CAB39L: variants seen among roughly 807,000 people sequenced by gnomAD.
CAB39L encodes the protein calcium binding protein 39 like.
Under a neutral mutation model 39.1 loss-of-function variants are expected in CAB39L, and 23 were observed. That is an observed-to-expected ratio of 0.59 (90% CI 0.42 to 0.83). CAB39L has a LOEUF of 0.83. Ranked by LOEUF, CAB39L falls within the 40% of genes least tolerant of loss-of-function variation. CAB39L has a pLI of 0.00. For synonymous variants in CAB39L, 126 were observed against 137.2 expected (o/e 0.92, Z 0.57); for missense variants, 366 against 391.9 (o/e 0.93, Z 0.56).
At chr13:49,355,350 C>T (rs1437093012) in intron 6 of CAB39L, among the ~76,000 whole-genome samples, 1 of 152,042 alleles carries the variant, frequency 6.6e-6, no homozygotes, top group East Asian at 1.9e-4. Flanking sequence ...GCACTACCTT[C>T]TAGTATGGGC....
At chr13:49,379,037 C>T (rs1187838242) in intron 4 of CAB39L, among the ~76,000 whole-genome samples, 1 of 54,904 alleles carries the variant, frequency 1.8e-5, no homozygotes, top group Non-Finnish European at 3.6e-5. Context: ...GTCAGCCCCC[C>T]GCCCGGCCAG....
intron 5 of CAB39L, among the ~76,000 whole-genome samples, chr13:49,363,729 G>A (rs184510471): frequency 6.6e-5 from 10 of 151,346 alleles, no homozygotes; most frequent in Non-Finnish European, 1.2e-4. Flanking sequence ...AGGCTGAGGT[G>A]TAAGGATCAC....
At position 49,382,731 on chromosome 13, in the gene CAB39L, G is replaced by C. The variant is rs1479419872; in HGVS notation, c.111+69C>G. 10 of 932,548 alleles carry C rather than the reference G, an allele frequency of 1.1e-5. No homozygotes were observed. The Admixed American group carries it at 1.9e-4, about 18-fold the overall frequency. The allele number at this position is 932,548 out of a possible 1,614,324, so 57.8% of individuals were successfully genotyped here. Reference sequence around the variant, plus strand: ...GACCATATTTTGAATTCTTCATTAAGCTTTTACATTGGTTTTTGGCATTGC... The same window carrying C: ...GACCATATTTTGAATTCTTCATTAACCTTTTACATTGGTTTTTGGCATTGC... On this transcript the variant is annotated intron_variant, in intron 4 of 10. Transcript: ENST00000409308.
At chr13:49,415,325 G>A (rs1957065875) in intron 3 of CAB39L, among the ~76,000 whole-genome samples, 1 of 151,932 alleles carries the variant, frequency 6.6e-6, no homozygotes, top group South Asian at 2.1e-4. Context: ...GACCAGCCTG[G>A]CCAATATGGT....
At chr13:49,411,213 A>G (rs1025584152) in intron 3 of CAB39L, among the ~76,000 whole-genome samples, 4 of 152,198 alleles carry the variant, frequency 2.6e-5, no homozygotes, top group African/African-American at 7.2e-5. Flanking sequence ...GTTTGAGACC[A>G]GCCTGGGCAA....
At chr13:49,334,363 G>A (rs1008375661) in intron 9 of CAB39L, among the ~76,000 whole-genome samples, 3 of 152,092 alleles carry the variant, frequency 2.0e-5, no homozygotes, top group Admixed American at 6.5e-5. Context: ...TTAAGATGCC[G>A]TTCCCAGCCT....
intron 7 of CAB39L, among the ~76,000 whole-genome samples, chr13:49,348,591 C>T (rs1469052721): frequency 6.6e-6 from 1 of 152,134 alleles, no homozygotes; most frequent in Non-Finnish European, 1.5e-5. Context: ...GTTAACTGGG[C>T]TTACCCTGCT....
chr13:49,420,026 A>G (rs1054785875), intron 3 of CAB39L, among the ~76,000 whole-genome samples: 11 of 152,238 alleles, frequency 7.2e-5, no homozygotes, highest in Non-Finnish European at 1.3e-4. Context: ...AATCACAGCC[A>G]TCATAAAATA....
intron 10 of CAB39L, among the ~76,000 whole-genome samples, chr13:49,317,295 C>T (rs1331127816): frequency 6.6e-6 from 1 of 152,046 alleles, no homozygotes; most frequent in Non-Finnish European, 1.5e-5. Flanking sequence ...TTTGGGAGGC[C>T]GAGGTGGGCG....
intron 4 of CAB39L, among the ~76,000 whole-genome samples, chr13:49,381,463 G>A (rs751508633): frequency 3.9e-5 from 6 of 152,118 alleles, no homozygotes; most frequent in Non-Finnish European, 8.8e-5. Flanking sequence ...GTCACCTGAA[G>A]GCCCCTTTCA....
chr13:49,368,753 T>A (rs948571241), intron 5 of CAB39L, among the ~76,000 whole-genome samples: 1 of 152,024 alleles, frequency 6.6e-6, no homozygotes, highest in Non-Finnish European at 1.5e-5. Flanking sequence ...GCTGAATGAA[T>A]GAATTATATA....
intron 3 of CAB39L, among the ~76,000 whole-genome samples, chr13:49,422,838 T>C (rs1957190340): frequency 6.6e-6 from 1 of 152,162 alleles, no homozygotes; most frequent in Admixed American, 6.5e-5. Flanking sequence ...TTAGTTACCG[T>C]GCAATTCTTA....
At chr13:49,435,347 TC>T (rs1454430057) in intron 1 of CAB39L, among the ~76,000 whole-genome samples, 3 of 152,228 alleles carry the variant, frequency 2.0e-5, no homozygotes, top group Non-Finnish European at 4.4e-5. Flanking sequence ...GACTATTCCC[TC>T]CCATGCAGTT....
intron 10 of CAB39L, among the ~76,000 whole-genome samples, chr13:49,319,642 TAA>T (rs61586450): frequency 1.8e-4 from 24 of 136,604 alleles, no homozygotes; most frequent in Admixed American, 1.5e-4. Context: ...TTACTTATAT[TAA>T]AAAAAAAAAA....
At chr13:49,372,686 T>C (rs1307831118) in intron 5 of CAB39L, among the ~76,000 whole-genome samples, 2 of 152,212 alleles carry the variant, frequency 1.3e-5, no homozygotes, top group African/African-American at 4.8e-5. Flanking sequence ...TTTGTTTTGT[T>C]TGGAGATGGA....
intron 3 of CAB39L, among the ~76,000 whole-genome samples, chr13:49,400,301 C>A (rs1419830388): frequency 6.6e-6 from 1 of 151,980 alleles, no homozygotes; most frequent in South Asian, 2.1e-4. Context: ...TGATTACATG[C>A]CTCCCTCCAT....
At chr13:49,338,507 G>C (rs1255867359) in intron 9 of CAB39L, among the ~76,000 whole-genome samples, 23 of 116,930 alleles carry the variant, frequency 2.0e-4, no homozygotes, top group African/African-American at 7.2e-4. Flanking sequence ...GTTGTGGGGT[G>C]GGGGGAGGGG....
intron 4 of CAB39L, 45 bp from the exon 5 acceptor site, chr13:49,377,176 T>C (rs910949760): frequency 6.6e-7 from 1 of 1,523,126 alleles, no homozygotes; most frequent in Non-Finnish European, 9.0e-7. Flanking sequence ...ATAAAAATGT[T>C]TAGGCCATAA....
In CAB39L at chr13:49,350,892, G is replaced by A. The variant is rs748327199; in HGVS notation, c.416C>T (p.Ala139Val). The change falls in exon 7 of 11, where the codon GCC (alanine) becomes GTC (valine). Residue 139 changes from alanine (A) to valine (V), a missense_variant. Coordinates refer to ENST00000409308, the MANE Select transcript of CAB39L (RefSeq NM_001079670.3). ...TCTCAGCATAATCCCACAACGTAAG[G>A]CAATCTGTGGGGCTTCATATCTAAA... is the stretch of plus-strand genomic sequence containing the variant. ...LLKGYEAPQI[A>V]LRCGIMLREC... is the part of the protein sequence containing the mutation. The A allele has an allele frequency of 3.8e-6, 6 of 1,597,270 alleles. No homozygotes were observed. In the South Asian group the frequency reaches 6.9e-5, roughly 18 times the overall value.
Sources: allele counts gnomAD v4.1 joint callset (sites outside exome capture counted in the v4.1 genomes callset), GRCh38; gene constraint gnomAD v4.1.1; transcripts MANE v1.5; gene names NCBI Gene and HGNC (gene_info 2026-07-23, HGNC 2026-07-21).